WSCD1: variants seen among roughly 807,000 people sequenced by gnomAD.
WSCD1 encodes the protein WSC domain sialate O sulfotransferase 1, also known as sialate:O-sulfotransferase 1.
Under a neutral mutation model 60.4 loss-of-function variants are expected in WSCD1, and 41 were observed. That is an observed-to-expected ratio of 0.68 (90% CI 0.53 to 0.88). The LOEUF is 0.88. Among genes scored for constraint, WSCD1 ranks in the 40% least tolerant of loss-of-function variants. The pLI is 0.00. For missense variants in WSCD1, 784 were observed against 796.2 expected (o/e 0.98, Z 0.18); for synonymous variants, 361 against 332.5 (o/e 1.09, Z -0.93).
chr17:6,107,149 G>T (rs1051876427), intron 5 of WSCD1, among the ~76,000 whole-genome samples: 1 of 152,180 alleles, frequency 6.6e-6, no homozygotes, highest in Admixed American at 6.5e-5. Flanking sequence ...TGGTCTGTGT[G>T]TTGGCTGTAT....
At chr17:6,116,471 T>C (rs1911688719) in intron 7 of WSCD1, among the ~76,000 whole-genome samples, 1 of 152,026 alleles carries the variant, frequency 6.6e-6, no homozygotes, top group Non-Finnish European at 1.5e-5. Flanking sequence ...TCTATTGTGG[T>C]AGGTCGAATG....
intron 5 of WSCD1, among the ~76,000 whole-genome samples, chr17:6,100,217 G>A (rs1343344380): frequency 6.6e-6 from 1 of 152,208 alleles, no homozygotes; most frequent in Non-Finnish European, 1.5e-5. Context: ...GATGAGGCAT[G>A]GATGGGTTTG....
At chr17:6,091,862 G>C (rs1012362438) in intron 4 of WSCD1, among the ~76,000 whole-genome samples, 2 of 152,154 alleles carry the variant, frequency 1.3e-5, no homozygotes, top group Non-Finnish European at 2.9e-5. Flanking sequence ...CCCAGGTAAA[G>C]AGGTATTGGA....
intron 5 of WSCD1, among the ~76,000 whole-genome samples, chr17:6,102,868 A>G (rs1910883215): frequency 6.6e-6 from 1 of 152,160 alleles, no homozygotes; most frequent in African/African-American, 2.4e-5. Context: ...TGCTGCCACA[A>G]ACATCCTTGA....
intron 4 of WSCD1, 65 bp from the exon 5 acceptor site, chr17:6,095,037 C>G (rs768111364): frequency 8.9e-5 from 138 of 1,556,402 alleles, no homozygotes; most frequent in Non-Finnish European, 1.1e-4. Context: ...CCAGCATTTT[C>G]CCTGGTGACA....
At chr17:6,108,701 T>C (rs948992161) in intron 5 of WSCD1, among the ~76,000 whole-genome samples, 1 of 152,236 alleles carries the variant, frequency 6.6e-6, no homozygotes, top group African/African-American at 2.4e-5. Context: ...TCAAAGAAGT[T>C]AGGCACCTTG....
chr17:6,097,861 T>C (rs1910543560), intron 5 of WSCD1, among the ~76,000 whole-genome samples: 1 of 152,020 alleles, frequency 6.6e-6, no homozygotes, highest in Non-Finnish European at 1.5e-5. Context: ...TTTGTGTGTG[T>C]TGGGGGGCTC....
intron 5 of WSCD1, among the ~76,000 whole-genome samples, chr17:6,107,160 C>A (rs1911133128): frequency 6.6e-6 from 1 of 152,116 alleles, no homozygotes; most frequent in African/African-American, 2.4e-5. Context: ...TTGGCTGTAT[C>A]CTAACCTCCT....
intron 5 of WSCD1, among the ~76,000 whole-genome samples, chr17:6,095,563 T>C (rs998488161): frequency 1.2e-4 from 18 of 152,198 alleles, no homozygotes; most frequent in Non-Finnish European, 2.2e-4. Context: ...GACTTGGGGA[T>C]AGCTGATGGA....
chr17:6,104,949 C>A (rs1414438997), intron 5 of WSCD1, among the ~76,000 whole-genome samples: 1 of 152,122 alleles, frequency 6.6e-6, no homozygotes, highest in Non-Finnish European at 1.5e-5. Flanking sequence ...TCTGTGTAAC[C>A]CTGGGGATCC....
At chr17:6,077,025 TGTTG>T in intron 1 of WSCD1, among the ~76,000 whole-genome samples, 1 of 151,602 alleles carries the variant, frequency 6.6e-6, no homozygotes, top group Non-Finnish European at 1.5e-5. Context: ...TGTGATGTGA[TGTTG>T]GCTATAAAGT....
chr17:6,093,170 C>A lies in WSCD1; in HGVS notation c.728-1932C>A, dbSNP rs182635437. 1.8e-3 allele frequency among the ~76,000 whole-genome samples: 273 copies of A among 152,394 alleles called. 1 individual carries two copies. Among genetic ancestry groups the A allele is most frequent in the African/African-American group, 6.4e-3 (265 of 41,598 alleles). ...CACCTGGGGAATGAGGGAGACTGGA[C>A]TGTACCAGGTGACAACCTGTGTCCT... On this transcript the variant is annotated intron_variant, in intron 4 of 8. Coordinates refer to ENST00000317744, the MANE Select transcript of WSCD1 (RefSeq NM_015253.2).
upstream of WSCD1, chr17:6,069,390 CGTGTGT>C (rs771018197): frequency 9.7e-4 from 324 of 335,504 alleles, 1 homozygote; most frequent in East Asian, 1.4e-3. Flanking sequence ...CACCTCGGTG[CGTGTGT>C]GTGTGTGTGT....
At position 6,109,596 on chromosome 17, in the gene WSCD1, T is replaced by A; in HGVS notation, c.850-11T>A. On this transcript the variant is annotated splice_polypyrimidine_tract_variant and intron_variant, in intron 5 of 8. Coordinates refer to ENST00000317744, the MANE Select transcript of WSCD1 (RefSeq NM_015253.2). ...ACTCAGTGTGCTTCTCTTCTTATCG[T>A]TCCCTGGCAGGAGTTCCCCTTGGCC... 1 of 1,612,672 alleles carries A rather than the reference T, an allele frequency of 6.2e-7. No individual in the cohort carries two copies. The highest frequency in any genetic ancestry group is 8.5e-7 in the Non-Finnish European group (1 of 1,179,006).
At position 6,101,721 on chromosome 17, in the gene WSCD1, A is replaced by G. The variant is rs1055394551; in HGVS notation, c.849+6498A>G. On this transcript the variant is annotated intron_variant, in intron 5 of 8. Transcript: ENST00000317744. The surrounding 1 kb of genome is among the most constrained non-coding windows in gnomAD (Gnocchi z 4.1). ...CCTGTGATCGTATGGAGATGGAAAG[A>G]GACCTGCTCATTCTCAGTCCCCTTC... Among the ~76,000 whole-genome samples, 1 of 152,308 alleles carries G rather than the reference A, an allele frequency of 6.6e-6. No homozygotes were observed. The highest frequency in any genetic ancestry group is 2.4e-5 in the African/African-American group (1 of 41,564).
At chr17:6,081,497 G>A (rs921191037) in intron 2 of WSCD1, among the ~76,000 whole-genome samples, 1 of 152,040 alleles carries the variant, frequency 6.6e-6, no homozygotes, top group Admixed American at 6.6e-5. Context: ...GATCACTTGA[G>A]GTCAGGAGTT....
chr17:6,099,332 T>C (rs1286722958), intron 5 of WSCD1, among the ~76,000 whole-genome samples: 1 of 151,864 alleles, frequency 6.6e-6, no homozygotes, highest in African/African-American at 2.4e-5. Context: ...CTGGCCAACA[T>C]GGTGAAACAC....
intron 1 of WSCD1, among the ~76,000 whole-genome samples, chr17:6,076,990 G>A (rs550416226): frequency 6.6e-6 from 1 of 152,202 alleles, no homozygotes; most frequent in Non-Finnish European, 1.5e-5. Flanking sequence ...CCTGGAGGGG[G>A]GCTGCCAGCC....
chr17:6,099,791 T>C (rs1429827656), intron 5 of WSCD1, among the ~76,000 whole-genome samples: 5 of 152,292 alleles, frequency 3.3e-5, no homozygotes, highest in African/African-American at 1.2e-4. Flanking sequence ...AAGCAGCCAC[T>C]TTTCCGCTGC....
Sources: allele counts gnomAD v4.1 joint callset (sites outside exome capture counted in the v4.1 genomes callset), GRCh38; gene constraint gnomAD v4.1.1; non-coding constraint Gnocchi (gnomAD v3.1); transcripts MANE v1.5; gene names NCBI Gene and HGNC (gene_info 2026-07-23, HGNC 2026-07-21).